Variants in CARMIL1 observed in about 807,000 individuals in gnomAD.
The protein encoded by CARMIL1 is F-actin-uncapping protein LRRC16A.
Under a neutral mutation model 177.1 loss-of-function variants are expected in CARMIL1, and 90 were observed. That is an observed-to-expected ratio of 0.51 (90% CI 0.43 to 0.61). CARMIL1 has a LOEUF of 0.61. Among genes scored for constraint, CARMIL1 ranks in the 20% least tolerant of loss-of-function variants. The pLI is 0.00. For synonymous variants in CARMIL1, 577 were observed against 606.2 expected, an observed-to-expected ratio of 0.95 and a Z score of 0.71; for missense variants, 1,380 against 1,667.0, an observed-to-expected ratio of 0.83 and a Z score of 3.00.
chr6:25,551,127 G>A (rs1017299177), intron 27 of CARMIL1, 42 bp downstream of exon 27: 2 of 1,515,778 alleles, frequency 1.3e-6, no homozygotes, highest in South Asian at 1.2e-5. Context: ...TGCAGTTTCT[G>A]TAAATGCAGT....
chr6:25,485,455 G>A (rs969234247), intron 12 of CARMIL1, among the ~76,000 whole-genome samples: 1 of 152,130 alleles, frequency 6.6e-6, no homozygotes, highest in South Asian at 2.1e-4. Context: ...TCGCTCTGTC[G>A]CTCGGGCTGG....
In CARMIL1 at chr6:25,581,253, T is replaced by G; in HGVS notation, c.2820T>G (p.Phe940Leu). The G allele has an allele frequency of 6.2e-7, 1 of 1,611,192 alleles. No individual in the cohort carries two copies. The highest frequency in any genetic ancestry group is 1.7e-4 in the Middle Eastern group (1 of 6,052). ...RPVSRAFEME[F>L]DLDKALEEVP... ...TGTTTTTAATTTTAGAAATGGAGTT[T>G]GATCTAGATAAAGCGCTGGAAGAGG... The change falls in exon 31 of 37, where the codon TTT (phenylalanine) becomes TTG (leucine). Residue 940 changes from phenylalanine to leucine, a missense_variant. Physicochemically the swap from Phe to Leu is conservative, Grantham distance 22. Coordinates refer to ENST00000329474, the MANE Select transcript of CARMIL1 (RefSeq NM_017640.6).
At chr6:25,590,236 T>C (rs1814161459) in intron 31 of CARMIL1, among the ~76,000 whole-genome samples, 1 of 152,224 alleles carries the variant, frequency 6.6e-6, no homozygotes, top group Admixed American at 6.5e-5. Context: ...GGTAGTTTGA[T>C]TCTTTTTTTT....
chr6:25,604,876 C>T lies in CARMIL1; in HGVS notation c.3617C>T (p.Ser1206Leu), dbSNP rs868768530. 1.1e-5 allele frequency: 18 copies of T among 1,595,282 alleles called. No individual in the cohort carries two copies. Among genetic ancestry groups the T allele is most frequent in the African/African-American group, 5.4e-5 (4 of 74,714 alleles). The change falls in exon 34 of 37, where the codon TCG becomes TTG. Residue 1206 changes from serine (S) to leucine (L), a missense_variant. Coordinates refer to ENST00000329474, the MANE Select transcript of CARMIL1 (RefSeq NM_017640.6). ...CCAGCTTTGAGCGGCGTAGAACGGTCGGATGGAGGTGGGGCAGGTAAGTCA... is the reference window on the plus strand; with the variant it reads ...CCAGCTTTGAGCGGCGTAGAACGGTTGGATGGAGGTGGGGCAGGTAAGTCA... ...SSPALSGVER[S>L]DGGGAVPKLH...
chr6:25,325,295 G>T (rs1030750936), intron 2 of CARMIL1, among the ~76,000 whole-genome samples: 1 of 152,184 alleles, frequency 6.6e-6, no homozygotes, highest in Non-Finnish European at 1.5e-5. Context: ...CTATGAAAGG[G>T]TGTTGACATA....
Position 25,510,752 on chromosome 6 carries a change from A to G in CARMIL1, c.1622A>G (p.Asp541Gly), listed in dbSNP as rs1352441326. ...GACAACTTAGTACAGATGATTCAAG[A>G]TGAAGAATCAGTGAGTATTATGTTA... ...VLDNLVQMIQDEESPLQSLSL... is the reference protein window; with the variant it reads ...VLDNLVQMIQGEESPLQSLSL... Residue 541 changes from aspartate (D) to glycine (G), a missense_variant, in exon 20 of 37, where the codon GAT (aspartate) becomes GGT (glycine). Coordinates refer to ENST00000329474, the MANE Select transcript of CARMIL1 (RefSeq NM_017640.6). 6.5e-7 allele frequency: 1 copy of G among 1,535,382 alleles called. No homozygotes were observed. The highest frequency in any genetic ancestry group is 8.8e-7 in the Non-Finnish European group (1 of 1,134,302).
chr6:25,486,570 A>G (rs1400060977), intron 12 of CARMIL1, among the ~76,000 whole-genome samples: 1 of 152,200 alleles, frequency 6.6e-6, no homozygotes, highest in Non-Finnish European at 1.5e-5. Context: ...CATTAATACT[A>G]ATATCGGGAC....
chr6:25,381,038 G>T (rs1791474492), intron 2 of CARMIL1, among the ~76,000 whole-genome samples: 1 of 152,106 alleles, frequency 6.6e-6, no homozygotes, highest in African/African-American at 2.4e-5. Context: ...TTTATAAATG[G>T]TGAGAATATT....
intron 11 of CARMIL1, chr6:25,478,971 C>T: frequency 5.2e-6 from 2 of 385,270 alleles, no homozygotes; most frequent in Non-Finnish European, 1.0e-5. Flanking sequence ...ACTTACTTTC[C>T]TTAGTGTTTC....
chr6:25,573,792 G>C (rs1360358300), intron 29 of CARMIL1, among the ~76,000 whole-genome samples: 1 of 152,004 alleles, frequency 6.6e-6, no homozygotes. Flanking sequence ...ATTTCTGATA[G>C]AGTGAATTCT....
intron 5 of CARMIL1, among the ~76,000 whole-genome samples, chr6:25,441,337 A>ATATGTGTGTG: frequency 0.093 from 8,762 of 94,338 alleles, 540 homozygotes; most frequent in East Asian, 0.12. Context: ...ATATATATAT[A>ATATGTGTGTG]TGTGTGTGTG....
chr6:25,491,932 C>T lies in CARMIL1; in HGVS notation c.1144-16C>T. The T allele has an allele frequency of 1.2e-6, 2 of 1,610,514 alleles. No individual in the cohort carries two copies. The highest frequency in any genetic ancestry group is 1.7e-6 in the Non-Finnish European group (2 of 1,177,582). On this transcript the variant is annotated splice_polypyrimidine_tract_variant and intron_variant, in intron 14 of 36. Transcript: ENST00000329474. ...TAGAAATACTTGAAAAGAAGAGTGC[C>T]TTATTTCTTTTTCAGGTCTGTGGAG... is the stretch of plus-strand genomic sequence containing the variant.
chr6:25,501,395 T>G (rs943503393), intron 17 of CARMIL1, among the ~76,000 whole-genome samples: 6 of 152,206 alleles, frequency 3.9e-5, no homozygotes, highest in Non-Finnish European at 7.3e-5. Flanking sequence ...CAATCCTGGA[T>G]GAATTGGTTA....
chr6:25,490,501 C>T (rs574495076), intron 13 of CARMIL1, among the ~76,000 whole-genome samples: 3 of 151,962 alleles, frequency 2.0e-5, no homozygotes, highest in East Asian at 3.9e-4. Flanking sequence ...GGTTTGTGAC[C>T]AGCCTGGACA....
chr6:25,294,323 C>G (rs566726850), intron 2 of CARMIL1, among the ~76,000 whole-genome samples: 1 of 152,282 alleles, frequency 6.6e-6, no homozygotes, highest in African/African-American at 2.4e-5. Context: ...CAGACAGGAT[C>G]TGGTGTAGAC....
At chr6:25,442,184 T>C (rs956601881) in intron 5 of CARMIL1, among the ~76,000 whole-genome samples, 5 of 151,450 alleles carry the variant, frequency 3.3e-5, no homozygotes, top group Non-Finnish European at 5.9e-5. Context: ...ATTAAAATAA[T>C]CTATAATTTT....
Position 25,520,290 on chromosome 6 carries a change from C to A in CARMIL1, c.1921C>A (p.Gln641Lys). ...FMPIPMYDAS[Q>K]ALKTNPEKTE... is the part of the protein sequence containing the mutation. ...GCCAATTCCTATGTATGATGCTTCT[C>A]AAGCCCTAAAAACAAACCCTGAAAA... The change falls in exon 23 of 37, where the codon CAA becomes AAA. Residue 641 changes from glutamine to lysine, a missense_variant. Physicochemically the swap from Gln to Lys is moderately conservative, Grantham distance 53. Coordinates refer to ENST00000329474, the MANE Select transcript of CARMIL1 (RefSeq NM_017640.6). The A allele has an allele frequency of 6.4e-7, 1 of 1,566,360 alleles. No homozygotes were observed. The highest frequency in any genetic ancestry group is 8.7e-7 in the Non-Finnish European group (1 of 1,154,212).
At chr6:25,286,974 G>T (rs1040712789) in intron 2 of CARMIL1, among the ~76,000 whole-genome samples, 5 of 152,182 alleles carry the variant, frequency 3.3e-5, no homozygotes, top group African/African-American at 1.2e-4. Flanking sequence ...CCCAAATATG[G>T]AATCTAAGCA....
At chr6:25,466,362 G>A (rs1800596882) in intron 9 of CARMIL1, among the ~76,000 whole-genome samples, 1 of 152,166 alleles carries the variant, frequency 6.6e-6, no homozygotes, top group Non-Finnish European at 1.5e-5. Context: ...TCCCCTGGTC[G>A]AGTAATGATA....
Sources: allele counts gnomAD v4.1 joint callset (sites outside exome capture counted in the v4.1 genomes callset), GRCh38; gene constraint gnomAD v4.1.1; transcripts MANE v1.5; gene names NCBI Gene and HGNC (gene_info 2026-07-23, HGNC 2026-07-21).